CCDC62: variants seen among roughly 807,000 people sequenced by gnomAD.
The protein encoded by CCDC62 is coiled-coil domain-containing protein 62.
A neutral mutation model predicts 80.8 loss-of-function variants in CCDC62; 72 were observed. The ratio of observed to expected loss-of-function variants is 0.89; its 90% CI spans 0.74 to 1.08. The LOEUF (loss-of-function observed/expected upper bound fraction) is 1.08, where lower values mean the gene tolerates loss of function less well. Among genes scored for constraint, CCDC62 ranks in the 50% least tolerant of loss-of-function variants. The pLI, the probability that CCDC62 is intolerant of heterozygous loss-of-function variation, is 0.00. For missense variants in CCDC62, 704 were observed against 809.4 expected (o/e 0.87, Z 1.58); for synonymous variants, 286 against 296.5 (o/e 0.96, Z 0.36).
chr12:122,786,187 G>A (rs192233855), intron 4 of CCDC62, among the ~76,000 whole-genome samples: 1,764 of 152,032 alleles, frequency 0.012, 36 homozygotes, highest in African/African-American at 0.041. Flanking sequence ...TCGCTCTGTG[G>A]CCCAGGCTGG....
At chr12:122,818,561 A>G (rs1018095822) in intron 11 of CCDC62, among the ~76,000 whole-genome samples, 4 of 151,898 alleles carry the variant, frequency 2.6e-5, no homozygotes, top group African/African-American at 9.7e-5. Flanking sequence ...GGTCAAGGCT[A>G]CAGTGAGCTA....
chr12:122,814,455 C>T (rs2032081725), intron 11 of CCDC62, among the ~76,000 whole-genome samples: 1 of 151,200 alleles, frequency 6.6e-6, no homozygotes, highest in Non-Finnish European at 1.5e-5. Flanking sequence ...TCATGTCACT[C>T]ATAAATATTT....
At chr12:122,811,437 C>A (rs185610770) in intron 10 of CCDC62, among the ~76,000 whole-genome samples, 3,291 of 150,684 alleles carry the variant, frequency 0.022, 55 homozygotes, top group Non-Finnish European at 0.036. Context: ...TCTCAAACTC[C>A]CAACCTCAGG....
At chr12:122,802,186 C>T (rs1476484496) in intron 9 of CCDC62, among the ~76,000 whole-genome samples, 1 of 152,070 alleles carries the variant, frequency 6.6e-6, no homozygotes, top group African/African-American at 2.4e-5. Context: ...CAGAGTGGAA[C>T]GCCACCCTAG....
At chr12:122,816,043 A>G (rs755204839) in intron 11 of CCDC62, among the ~76,000 whole-genome samples, 5 of 152,234 alleles carry the variant, frequency 3.3e-5, no homozygotes, top group Non-Finnish European at 7.3e-5. Context: ...ATCCAAAACT[A>G]GAACATTAAT....
At chr12:122,789,697 G>C (rs923887726) in intron 5 of CCDC62, among the ~76,000 whole-genome samples, 2 of 152,104 alleles carry the variant, frequency 1.3e-5, no homozygotes, top group African/African-American at 4.8e-5. Context: ...GCCTCCCAAA[G>C]TGCTGAGATC....
At chr12:122,812,585 C>CA (rs36006450) in intron 10 of CCDC62, among the ~76,000 whole-genome samples, 26,067 of 40,422 alleles carry the variant, frequency 0.64, 9,173 homozygotes, top group East Asian at 0.92. Context: ...CTAAAAAATA[C>CA]AAAAAAAAAT....
chr12:122,789,464 ACT>A (rs1406509230), intron 5 of CCDC62, among the ~76,000 whole-genome samples: 1 of 152,024 alleles, frequency 6.6e-6, no homozygotes, highest in African/African-American at 2.4e-5. Flanking sequence ...ACAGAATCTC[ACT>A]CTGTCACCCA....
At chr12:122,788,431 G>A (rs1416851465) in intron 4 of CCDC62, among the ~76,000 whole-genome samples, 1 of 152,162 alleles carries the variant, frequency 6.6e-6, no homozygotes, top group Non-Finnish European at 1.5e-5. Flanking sequence ...TAATGGAATG[G>A]TCTGGCTCTA....
intron 2 of CCDC62, among the ~76,000 whole-genome samples, chr12:122,780,233 C>T (rs182056268): frequency 6.6e-6 from 1 of 151,460 alleles, no homozygotes; most frequent in East Asian, 1.9e-4. Context: ...ATCGCTTGAA[C>T]CCAGGAGGTG....
At chr12:122,780,440 C>A (rs1454939857) in intron 2 of CCDC62, among the ~76,000 whole-genome samples, 1 of 151,396 alleles carries the variant, frequency 6.6e-6, no homozygotes. Flanking sequence ...GGTGAAACCC[C>A]GTCTCTACTA....
intron 5 of CCDC62, 131 bp from the exon 6 acceptor site, chr12:122,791,889 A>G (rs1047437623): frequency 1.5e-6 from 1 of 676,554 alleles, no homozygotes; most frequent in African/African-American, 1.8e-5. Flanking sequence ...GTTGGCTGTG[A>G]AACAGATTTT....
intron 11 of CCDC62, among the ~76,000 whole-genome samples, chr12:122,819,509 C>G (rs2032312872): frequency 6.6e-6 from 1 of 152,232 alleles, no homozygotes; most frequent in Non-Finnish European, 1.5e-5. Context: ...ACAGATACTT[C>G]TGCATGTGTA....
chr12:122,774,680 C>T lies in CCDC62; in HGVS notation c.10C>T (p.Pro4Ser), dbSNP rs1222011638. Residue 4 changes from proline to serine, a missense_variant, in exon 1 of 13, where the codon CCG (proline) becomes TCG (serine). Physicochemically the swap from Pro to Ser is moderately conservative, Grantham distance 74 (BLOSUM62 -1). Transcript: ENST00000253079. MNP[P>S]AAFLAGRQNI... is the part of the protein sequence containing the mutation. ...GGCGGAGGAAACACCTATGAACCCT[C>T]CGGCAGCCTTCCTTGCCGGGCGCCA... 4.5e-5 allele frequency: 57 copies of T among 1,255,542 alleles called. No individual in the cohort carries two copies. The highest frequency in any genetic ancestry group is 5.6e-5 in the Non-Finnish European group (56 of 991,298). 77.8% of individuals were successfully genotyped at this position (1,255,542 alleles called of 1,614,324 possible).
intron 6 of CCDC62, among the ~76,000 whole-genome samples, chr12:122,795,414 C>T (rs1178955409): frequency 2.0e-5 from 3 of 151,710 alleles, no homozygotes; most frequent in Admixed American, 6.6e-5. Context: ...AAGTTTAAAA[C>T]TTGTAGAAAA....
At chr12:122,811,288 C>T (rs1274579592) in intron 10 of CCDC62, among the ~76,000 whole-genome samples, 7 of 148,408 alleles carry the variant, frequency 4.7e-5, no homozygotes, top group South Asian at 2.1e-4. Flanking sequence ...CTCGGCTCAC[C>T]GCAACCTCCG....
rs2031277155 is a variant in CCDC62, at chr12:122,801,133, GT to G, written c.988del (p.Cys330ValfsTer63). On this transcript the variant is annotated frameshift_variant, in exon 9 of 13. Coordinates refer to ENST00000253079, the MANE Select transcript of CCDC62 (RefSeq NM_201435.5). LOFTEE classifies it high-confidence loss of function. ...SKALDSSRDMCLSDLENNHPK... is the reference protein window; with the variant it reads ...SKALDSSRDMXLSDLENNHPK... ...TCTAATGCCACCATAGCAGAGACAT[GT>G]GTTTATCAGACCTTGAAAATAACCA... 1 of 1,610,108 alleles carries G rather than the reference GT, an allele frequency of 6.2e-7. No homozygotes were observed. Among genetic ancestry groups the G allele is most frequent in the African/African-American group, 1.3e-5 (1 of 74,402 alleles).
intron 9 of CCDC62, among the ~76,000 whole-genome samples, chr12:122,802,322 A>G (rs2031360884): frequency 6.6e-6 from 1 of 151,472 alleles, no homozygotes; most frequent in Non-Finnish European, 1.5e-5. Context: ...CTGTAATTCT[A>G]GCACTTTGGG....
intron 11 of CCDC62, among the ~76,000 whole-genome samples, chr12:122,815,673 T>G (rs2032138872): frequency 6.6e-6 from 1 of 151,654 alleles, no homozygotes; most frequent in Non-Finnish European, 1.5e-5. Context: ...GGTCTCCATC[T>G]CCTGACCTTG....
Sources: allele counts gnomAD v4.1 joint callset (sites outside exome capture counted in the v4.1 genomes callset), GRCh38; gene constraint gnomAD v4.1.1; transcripts MANE v1.5; gene names NCBI Gene and HGNC (gene_info 2026-07-23, HGNC 2026-07-21).